Variants in NTRK3 observed in about 807,000 individuals in gnomAD.
NTRK3 encodes neurotrophic receptor tyrosine kinase 3.
NTRK3 carries 24 observed loss-of-function variants against 91.7 expected under a neutral mutation model. That is an observed-to-expected ratio of 0.26 (90% CI 0.19 to 0.37). NTRK3 has a LOEUF of 0.37. NTRK3 is among the 10% of genes least tolerant of loss of function. NTRK3 has a pLI of 1.00. For missense variants in NTRK3, 880 were observed against 1,068.9 expected (o/e 0.82, Z 2.46); for synonymous variants, 483 against 404.0 (o/e 1.20, Z -2.34).
intron 17 of NTRK3, among the ~76,000 whole-genome samples, chr15:87,880,994 GA>G (rs1305535686): frequency 6.6e-6 from 1 of 152,212 alleles, no homozygotes; most frequent in African/African-American, 2.4e-5. Flanking sequence ...GTAGGAGATG[GA>G]CAGAAAGAGA....
chr15:88,187,056 T>A (rs2047003471), intron 3 of NTRK3, among the ~76,000 whole-genome samples: 1 of 152,230 alleles, frequency 6.6e-6, no homozygotes, highest in African/African-American at 2.4e-5. Context: ...ACATGTAAGT[T>A]CTCAGGCAGA....
intron 17 of NTRK3, among the ~76,000 whole-genome samples, chr15:87,896,777 C>T (rs1460019117): frequency 1.3e-5 from 2 of 152,136 alleles, no homozygotes; most frequent in Non-Finnish European, 2.9e-5. Context: ...AAGCTTTATA[C>T]AAGAGGTTAT....
chr15:88,046,712 C>A (rs2080235504), intron 13 of NTRK3, among the ~76,000 whole-genome samples: 1 of 152,164 alleles, frequency 6.6e-6, no homozygotes, highest in African/African-American at 2.4e-5. Context: ...TGTCTCTTCT[C>A]CCCACACACC....
chr15:87,868,169 G>T (rs962352498), exon 19 of NTRK3: 5 of 231,514 alleles, frequency 2.2e-5, no homozygotes, highest in Non-Finnish European at 4.3e-5. Context: ...TTGTGTGTGT[G>T]TGTGCGCATA....
chr15:88,211,842 C>T (rs905034744), intron 3 of NTRK3, among the ~76,000 whole-genome samples: 17 of 152,190 alleles, frequency 1.1e-4, no homozygotes, highest in African/African-American at 3.9e-4. Context: ...TTGCAGAGGA[C>T]ATGTTCTTAT....
chr15:88,015,137 G>T (rs2077138960), intron 14 of NTRK3, among the ~76,000 whole-genome samples: 1 of 152,172 alleles, frequency 6.6e-6, no homozygotes, highest in Non-Finnish European at 1.5e-5. Context: ...CCTAAATTCA[G>T]AGAGAATAAC....
Position 88,220,576 on chromosome 15 carries a change from C to T in NTRK3, c.248+35330G>A, listed in dbSNP as rs562465185. Among the ~76,000 whole-genome samples, 4 of 152,288 alleles carry T rather than the reference C, an allele frequency of 2.6e-5. No individual in the cohort carries two copies. In the South Asian group the frequency reaches 8.3e-4, roughly 32 times the overall value. ...GTGAGTTGGTGAGAATGAAATGGGTCAGAGATGAGAAGAGGCCCAGCCCTG... is the reference window on the plus strand; with the variant it reads ...GTGAGTTGGTGAGAATGAAATGGGTTAGAGATGAGAAGAGGCCCAGCCCTG... On this transcript the variant is annotated intron_variant, in intron 3 of 18. Coordinates refer to ENST00000394480, the Ensembl canonical transcript of NTRK3.
chr15:88,236,064 T>A (rs1166964146), intron 3 of NTRK3, among the ~76,000 whole-genome samples: 2 of 152,166 alleles, frequency 1.3e-5, no homozygotes, highest in Non-Finnish European at 2.9e-5. Context: ...AACATAAATT[T>A]ATCAGACATC....
intron 3 of NTRK3, among the ~76,000 whole-genome samples, chr15:88,213,877 C>T (rs2049484087): frequency 1.3e-5 from 2 of 151,914 alleles, no homozygotes; most frequent in Admixed American, 6.6e-5. Context: ...GTCAGGAGTT[C>T]GAGACCAGCC....
chr15:88,246,943 C>T (rs935053499), intron 3 of NTRK3, among the ~76,000 whole-genome samples: 1 of 141,618 alleles, frequency 7.1e-6, no homozygotes, highest in East Asian at 2.0e-4. Context: ...ACGCCCGGCT[C>T]CCGCCCTGGG....
intron 17 of NTRK3, among the ~76,000 whole-genome samples, chr15:87,908,183 T>TTCCCACTTCTAAA (rs2066883458): frequency 6.6e-6 from 1 of 152,216 alleles, no homozygotes; most frequent in Non-Finnish European, 1.5e-5. Flanking sequence ...CGCACAGGTC[T>TTCCCACTTCTAAA]GGACAGAAGC....
At chr15:88,175,924 T>C (rs939833357) in intron 5 of NTRK3, among the ~76,000 whole-genome samples, 9 of 152,066 alleles carry the variant, frequency 5.9e-5, no homozygotes, top group African/African-American at 2.2e-4. Context: ...TGAGGGTGGG[T>C]TAGAGGCAAT....
At chr15:88,033,176 T>TTATATATATGTATATA in intron 13 of NTRK3, 131 bp from the exon 14 acceptor site, 1 of 192,386 alleles carries the variant, frequency 5.2e-6, no homozygotes, top group African/African-American at 6.2e-5. Context: ...GGGGGGTGTG[T>TTATATATATGTATATA]TATATATATA....
At chr15:88,090,904 C>A (rs1046287737) in intron 13 of NTRK3, among the ~76,000 whole-genome samples, 1 of 152,192 alleles carries the variant, frequency 6.6e-6, no homozygotes, top group Non-Finnish European at 1.5e-5. Context: ...CTCTTGCCTG[C>A]GCCTCTGGGA....
At chr15:88,088,277 G>A (rs944559858) in intron 13 of NTRK3, among the ~76,000 whole-genome samples, 1 of 152,162 alleles carries the variant, frequency 6.6e-6, no homozygotes. Flanking sequence ...GGAACTATCA[G>A]CTCCTATGTT....
chr15:88,105,335 A>G (rs1187574088), intron 13 of NTRK3, among the ~76,000 whole-genome samples: 1 of 152,198 alleles, frequency 6.6e-6, no homozygotes. Flanking sequence ...CATTCAAGGA[A>G]GGCCCAAGGA....
intron 14 of NTRK3, among the ~76,000 whole-genome samples, chr15:88,004,583 T>C (rs2076356043): frequency 6.6e-6 from 1 of 152,152 alleles, no homozygotes. Flanking sequence ...AAAGAACACA[T>C]TGTCCTGCCC....
At chr15:88,022,295 G>T (rs1301010972) in intron 14 of NTRK3, among the ~76,000 whole-genome samples, 3 of 152,132 alleles carry the variant, frequency 2.0e-5, no homozygotes, top group Admixed American at 2.0e-4. Flanking sequence ...CCAAGTTCAA[G>T]ACAGGAGAAG....
intron 13 of NTRK3, among the ~76,000 whole-genome samples, chr15:88,082,952 T>C (rs192215127): frequency 6.6e-6 from 1 of 152,270 alleles, no homozygotes; most frequent in East Asian, 1.9e-4. Flanking sequence ...AAATATACAG[T>C]GTTTCTCTGC....
Sources: gnomAD v4.1 joint callset for allele counts (sites outside exome capture counted in the v4.1 genomes callset) on GRCh38, gnomAD v4.1.1 for gene constraint, MANE v1.5 for transcripts, NCBI Gene and HGNC (gene_info 2026-07-23, HGNC 2026-07-21) for gene names.